The following PHF2 variants were observed in gnomAD, a reference collection of about 807,000 sequenced individuals.
PHF2 encodes the protein lysine-specific demethylase PHF2.
A neutral mutation model predicts 120.5 loss-of-function variants in PHF2; 27 were observed. The ratio of observed to expected loss-of-function variants is 0.22; its 90% confidence interval spans 0.17 to 0.31. PHF2 has a LOEUF of 0.31. Ranked by LOEUF, PHF2 falls within the 10% of genes least tolerant of loss-of-function variation. PHF2 has a pLI of 1.00. For missense variants in PHF2, 1,024 were observed against 1,434.8 expected (o/e 0.71, Z 4.63); for synonymous variants, 568 against 592.5 (o/e 0.96, Z 0.60).
chr9:93,624,835 A>G (rs376870773), intron 1 of PHF2, among the ~76,000 whole-genome samples: 2,679 of 149,808 alleles, frequency 0.018, 46 homozygotes, highest in South Asian at 0.067. Context: ...GGTGATGATG[A>G]TGATGGTGGT....
In PHF2 at chr9:93,629,958, G is replaced by A. The variant is rs548657825; in HGVS notation, c.99-12G>A. On this transcript the variant is annotated splice_polypyrimidine_tract_variant and intron_variant, in intron 1 of 21. Transcript: ENST00000359246. ...GAATGCCTAGGTAATGGTCTATTTCGTCTCGTTTCAGCTGTGTTGGGGTGG... is the reference window on the plus strand; with the variant it reads ...GAATGCCTAGGTAATGGTCTATTTCATCTCGTTTCAGCTGTGTTGGGGTGG... 6.4e-4 allele frequency: 1,040 copies of A among 1,613,842 alleles called. 16 individuals are homozygous for A. In the South Asian group the frequency reaches 0.01, roughly 16 times the overall value.
chr9:93,671,342 G>A (rs1249846123), intron 17 of PHF2, among the ~76,000 whole-genome samples: 4 of 142,880 alleles, frequency 2.8e-5, no homozygotes, highest in South Asian at 2.3e-4. Flanking sequence ...GTGGGTGTGG[G>A]AGTAGGGTCA....
In PHF2 at chr9:93,675,733, C is replaced by T. The variant is rs749092295; in HGVS notation, c.2776C>T (p.Arg926Trp). ...RQDRPVREGTRVASIETGLAA... is the reference protein window; with the variant it reads ...RQDRPVREGTWVASIETGLAA... ...GGACAGGCCTGTGCGTGAGGGTACA[C>T]GGGTGGCTTCCATCGAGACCGGGCT... The change falls in exon 20 of 22, where the codon CGG (arginine) becomes TGG (tryptophan). Residue 926 changes from arginine (R) to tryptophan (W), a missense_variant. Arg to Trp is a moderately radical substitution (Grantham distance 101). Transcript: ENST00000359246. 3 of 1,613,094 alleles carry T rather than the reference C, an allele frequency of 1.9e-6. No homozygotes were observed.
chr9:93,676,639 ACTCCTAACAC>A lies in PHF2; in HGVS notation c.2880_2889del (p.Asn962ProfsTer122). 6.2e-7 allele frequency: 1 copy of A among 1,606,590 alleles called. No individual in the cohort carries two copies. The highest frequency in any genetic ancestry group is 8.5e-7 in the Non-Finnish European group (1 of 1,175,728). On this transcript the variant is annotated frameshift_variant, in exon 21 of 22. Coordinates refer to ENST00000359246, the MANE Select transcript of PHF2 (RefSeq NM_005392.4). LOFTEE classifies it high-confidence loss of function. Reference sequence around the variant, plus strand: ...AAAAAAGAGTGCCAAGAGGAAGCTGACTCCTAACACCACCTCCCCTTCCACCTCCACCTCC... The same window carrying A: ...AAAAAAGAGTGCCAAGAGGAAGCTGACACCTCCCCTTCCACCTCCACCTCC...
At chr9:93,619,685 C>G (rs901247443) in intron 1 of PHF2, among the ~76,000 whole-genome samples, 1 of 152,236 alleles carries the variant, frequency 6.6e-6, no homozygotes, top group African/African-American at 2.4e-5. Flanking sequence ...GGCCCGTGCT[C>G]TATGCCTGCT....
chr9:93,649,282 C>T (rs1351177047), intron 5 of PHF2, 70 bp downstream of exon 5: 10 of 1,346,460 alleles, frequency 7.4e-6, no homozygotes, highest in African/African-American at 2.9e-5. Flanking sequence ...CCTTGGTAGT[C>T]GCCTGAGAAG....
In PHF2 at chr9:93,656,671, ACTGT is replaced by A. The variant is rs565610213; in HGVS notation, c.1147+80_1147+83del. 98 of 1,007,200 alleles carry A rather than the reference ACTGT, an allele frequency of 9.7e-5. No homozygotes were observed. The East Asian group carries it at 1.6e-3, about 17-fold the overall frequency. 62.4% of individuals were successfully genotyped at this position (1,007,200 alleles called of 1,614,324 possible). A position where few individuals can be genotyped will look rare whatever the true frequency, so the allele number is the denominator to read the frequency against. On this transcript the variant is annotated intron_variant, in intron 9 of 21. Transcript: ENST00000359246. This position sits in a 1 kb window ranked among gnomAD's most constrained non-coding sequence, Gnocchi z 4.1. ...GGGCAGCCAGACCTGGTCAGGGCTG[ACTGT>A]CTGGGTGTGAGTGCCGCCTTCCTGT...
chr9:93,649,036 C>T, intron 4 of PHF2, 35 bp from the exon 5 acceptor site: 2 of 1,549,452 alleles, frequency 1.3e-6, no homozygotes, highest in Non-Finnish European at 8.7e-7. Flanking sequence ...TGCCGCCTTC[C>T]CAGGGTGCTC....
chr9:93,585,017 A>T (rs1863011955), intron 1 of PHF2, among the ~76,000 whole-genome samples: 1 of 152,060 alleles, frequency 6.6e-6, no homozygotes, highest in Non-Finnish European at 1.5e-5. Flanking sequence ...TATTTTCTTA[A>T]CTTCTTTTTC....
chr9:93,577,456 C>T (rs1419327650), intron 1 of PHF2, among the ~76,000 whole-genome samples: 1 of 152,084 alleles, frequency 6.6e-6, no homozygotes, highest in African/African-American at 2.4e-5. Context: ...CCGTGGCCGG[C>T]GAGCTCCCTT....
chr9:93,625,124 T>C (rs1825892247), intron 1 of PHF2, among the ~76,000 whole-genome samples: 1 of 152,232 alleles, frequency 6.6e-6, no homozygotes, highest in Non-Finnish European at 1.5e-5. Flanking sequence ...CAGTAACTCC[T>C]CATTCCTCTC....
chr9:93,605,617 C>T (rs116762238), intron 1 of PHF2, among the ~76,000 whole-genome samples: 3,536 of 152,272 alleles, frequency 0.023, 69 homozygotes, highest in Middle Eastern at 0.037. Flanking sequence ...TTACTGTCTC[C>T]GTAGCTTTGC....
intron 1 of PHF2, among the ~76,000 whole-genome samples, chr9:93,616,885 A>T (rs1303383551): frequency 3.3e-5 from 5 of 151,954 alleles, no homozygotes; most frequent in Admixed American, 3.3e-4. Context: ...TGAACTCCTG[A>T]CCTCAGGTGA....
rs1826824676 is a variant in PHF2 at position 93,672,538 on chromosome 9, G to A, written c.2349-1047G>A. The stretch of plus-strand genomic sequence containing the variant: ...TAGGTACAGGTGCAGATGCAGGTGT[G>A]GGGGTAGGTATAGGTGTAGATGCAG... On this transcript the variant is annotated intron_variant, in intron 17 of 21. Coordinates refer to ENST00000359246, the MANE Select transcript of PHF2 (RefSeq NM_005392.4). The A allele has an allele frequency of 4.1e-6, 4 of 984,532 alleles. No individual in the cohort carries two copies. In the Admixed American group the frequency reaches 1.8e-4, roughly 46 times the overall value. 61.0% of individuals were successfully genotyped at this position (984,532 alleles called of 1,614,324 possible).
chr9:93,580,050 G>T (rs1389483663), intron 1 of PHF2, among the ~76,000 whole-genome samples: 1 of 152,256 alleles, frequency 6.6e-6, no homozygotes, highest in Non-Finnish European at 1.5e-5. Flanking sequence ...TGGAGGGGAA[G>T]TGTGGAGTAG....
At chr9:93,631,578 G>A (rs1265410383) in intron 2 of PHF2, among the ~76,000 whole-genome samples, 2 of 152,192 alleles carry the variant, frequency 1.3e-5, no homozygotes, top group Non-Finnish European at 2.9e-5. Context: ...TCAGCCCAGC[G>A]GGGCATCCTC....
rs748218124 is a variant in PHF2, at chr9:93,673,738, G to A, written c.2502G>A (p.Gly834=). Residue 834 remains glycine, a synonymous_variant, in exon 18 of 22, where the codon GGG becomes GGA. Transcript: ENST00000359246. The part of the protein sequence containing the change: ...SLAAHGARKN[G]GGSGKSAGKR... ...CTGCCCATGGTGCCCGGAAGAATGG[G>A]GGTGGCAGTGGCAAGAGTGCAGGCA... 6.2e-7 allele frequency: 1 copy of A among 1,613,410 alleles called. No homozygotes were observed. The highest frequency in any genetic ancestry group is 2.2e-5 in the East Asian group (1 of 44,872).
intron 14 of PHF2, among the ~76,000 whole-genome samples, chr9:93,664,013 A>G (rs10761253): frequency 0.96 from 145,752 of 152,354 alleles, 69,758 homozygotes; most frequent in East Asian, 1. Flanking sequence ...CCTGGGTGGG[A>G]CTGGGCTGGA....
intron 3 of PHF2, among the ~76,000 whole-genome samples, chr9:93,644,047 C>T (rs1385048560): frequency 3.3e-5 from 5 of 152,168 alleles, no homozygotes; most frequent in Admixed American, 3.3e-4. Flanking sequence ...CCACTGTCCG[C>T]ACAGCAATGG....
Sources: allele counts gnomAD v4.1 joint callset (sites outside exome capture counted in the v4.1 genomes callset), GRCh38; gene constraint gnomAD v4.1.1; non-coding constraint Gnocchi (gnomAD v3.1); transcripts MANE v1.5; gene names NCBI Gene and HGNC (gene_info 2026-07-23, HGNC 2026-07-21).